Variants in ADGB observed in about 807,000 individuals in gnomAD.
ADGB encodes androglobin, also known as calpain-7-like protein.
Under a neutral mutation model 210.5 loss-of-function variants are expected in ADGB, and 172 were observed. The observed-to-expected ratio is 0.82, with a 90% CI of 0.72 to 0.93. The LOEUF is 0.93. Among genes scored for constraint, ADGB ranks in the 40% least tolerant of loss-of-function variants. The pLI is 0.00. For synonymous variants in ADGB, 658 were observed against 662.7 expected, an observed-to-expected ratio of 0.99 and a Z score of 0.11; for missense variants, 2,025 against 1,964.8, an observed-to-expected ratio of 1.03 and a Z score of -0.58.
At chr6:146,705,108 T>A (rs1583598140) in intron 13 of ADGB, among the ~76,000 whole-genome samples, 1 of 152,148 alleles carries the variant, frequency 6.6e-6, no homozygotes, top group African/African-American at 2.4e-5. Context: ...ATTTTACTGA[T>A]TTCTATTTTT....
At chr6:146,726,370 G>A (rs565412213) in intron 19 of ADGB, among the ~76,000 whole-genome samples, 173 bp downstream of exon 19, 143 of 152,042 alleles carry the variant, frequency 9.4e-4, no homozygotes, top group African/African-American at 3.2e-3. Context: ...TTACAGGTGC[G>A]TGCCACCACA....
chr6:146,678,391 T>A (rs1776112604), intron 9 of ADGB, among the ~76,000 whole-genome samples: 1 of 152,138 alleles, frequency 6.6e-6, no homozygotes, highest in Non-Finnish European at 1.5e-5. Flanking sequence ...TACACTTGGC[T>A]AATTCTTGTA....
At chr6:146,696,184 T>G (rs1284305009) in intron 12 of ADGB, among the ~76,000 whole-genome samples, 2 of 151,954 alleles carry the variant, frequency 1.3e-5, no homozygotes, top group East Asian at 3.9e-4. Flanking sequence ...CAAGTGATTC[T>G]CCTGCATCAG....
At position 146,692,807 on chromosome 6, in the gene ADGB, C is replaced by G; in HGVS notation, c.1487-18C>G. 2 of 1,388,790 alleles carry G rather than the reference C, an allele frequency of 1.4e-6. No homozygotes were observed. The highest frequency in any genetic ancestry group is 2.0e-6 in the Non-Finnish European group (2 of 1,017,738). The allele number at this position is 1,388,790 out of a possible 1,614,324, so 86.0% of individuals were successfully genotyped here. On this transcript the variant is annotated intron_variant, in intron 11 of 35. Transcript: ENST00000397944. ...TTTTTTTAAATGTACATCATACTTT[C>G]TAACTGCTACTTTTTAGAGTTAATA...
intron 5 of ADGB, among the ~76,000 whole-genome samples, chr6:146,658,171 G>A (rs1317945596): frequency 1.3e-5 from 2 of 152,008 alleles, no homozygotes; most frequent in African/African-American, 4.8e-5. Flanking sequence ...AAGGGCAAAG[G>A]GAAAAAGGTA....
chr6:146,643,894 A>G (rs1275302883), intron 2 of ADGB, among the ~76,000 whole-genome samples: 4 of 151,936 alleles, frequency 2.6e-5, no homozygotes, highest in Admixed American at 2.6e-4. Context: ...AGAAAAGCCA[A>G]TCCAAAAGAT....
chr6:146,703,769 A>G (rs1583597558), intron 13 of ADGB, among the ~76,000 whole-genome samples: 1 of 151,884 alleles, frequency 6.6e-6, no homozygotes, highest in Non-Finnish European at 1.5e-5. Flanking sequence ...GAAGATGGGA[A>G]GGCAGGTATC....
chr6:146,619,180 G>A (rs9386161), intron 1 of ADGB, among the ~76,000 whole-genome samples: 84,994 of 151,196 alleles, frequency 0.56, 23,997 homozygotes, highest in Admixed American at 0.61. Context: ...TTCTGAATAA[G>A]TATAGCTATT....
At chr6:146,702,610 C>T (rs1776506287) in intron 13 of ADGB, among the ~76,000 whole-genome samples, 1 of 151,754 alleles carries the variant, frequency 6.6e-6, no homozygotes, top group Non-Finnish European at 1.5e-5. Flanking sequence ...TCACAACTTC[C>T]TTTTTTTCTA....
At position 146,617,032 on chromosome 6, in the gene ADGB, G is replaced by T. The variant is rs142259106; in HGVS notation, c.74+17918G>T. On this transcript the variant is annotated intron_variant, in intron 1 of 35. Transcript: ENST00000397944. ...TTGCATTGAGTCTGTAGATCACTGCGCCTAGTATAGATATTTTAACAATAA... is the reference window on the plus strand; with the variant it reads ...TTGCATTGAGTCTGTAGATCACTGCTCCTAGTATAGATATTTTAACAATAA... Among the ~76,000 whole-genome samples, 288 of 152,114 alleles carry T rather than the reference G, an allele frequency of 1.9e-3. 5 individuals are homozygous for T. Among genetic ancestry groups the T allele is most frequent in the African/African-American group, 6.6e-3 (273 of 41,534 alleles).
At chr6:146,794,932 A>T (rs1490022487) in intron 33 of ADGB, among the ~76,000 whole-genome samples, 2 of 152,148 alleles carry the variant, frequency 1.3e-5, no homozygotes, top group African/African-American at 4.8e-5. Flanking sequence ...TGTACCCTAA[A>T]CTACATAAAG....
chr6:146,691,477 A>AATAT (rs1198158237), intron 11 of ADGB, among the ~76,000 whole-genome samples, 187 bp downstream of exon 11: 408 of 18,512 alleles, frequency 0.022, 25 homozygotes, highest in Non-Finnish European at 0.027. Context: ...TATATATATA[A>AATAT]ATATATATAT....
At position 146,664,505 on chromosome 6, in the gene ADGB, T is replaced by C. The variant is rs1775912516; in HGVS notation, c.752+165T>C. On this transcript the variant is annotated intron_variant, in intron 6 of 35. Coordinates refer to ENST00000397944, the MANE Select transcript of ADGB (RefSeq NM_024694.4). ...AAATCAAATACGCCAAAACCACTGA[T>C]TTTTTCTATTAGGTTAACAATAATG... The C allele has an allele frequency of 8.0e-6, 5 of 628,002 alleles. No homozygotes were observed. The East Asian group carries it at 1.7e-4, about 21-fold the overall frequency. The allele number at this position is 628,002 out of a possible 1,614,324, so 38.9% of individuals were successfully genotyped here. A position where few individuals can be genotyped will look rare whatever the true frequency, so the allele number is the denominator to read the frequency against.
intron 7 of ADGB, among the ~76,000 whole-genome samples, chr6:146,670,306 A>T (rs1243332374): frequency 6.6e-6 from 1 of 152,150 alleles, no homozygotes; most frequent in African/African-American, 2.4e-5. Context: ...ATCCTCAGAG[A>T]TCTACACTGT....
intron 16 of ADGB, among the ~76,000 whole-genome samples, chr6:146,720,802 A>G (rs1236257851): frequency 1.3e-5 from 2 of 152,138 alleles, no homozygotes; most frequent in Admixed American, 6.5e-5. Context: ...ATCGCTAGAA[A>G]AGCAAGGGAC....
At chr6:146,620,906 C>A (rs1279222304) in intron 1 of ADGB, among the ~76,000 whole-genome samples, 2 of 152,162 alleles carry the variant, frequency 1.3e-5, no homozygotes, top group East Asian at 3.9e-4. Flanking sequence ...ACAGCCACTT[C>A]CAGTTTTTGC....
At chr6:146,763,363 GAATT>G (rs1777524935) in intron 27 of ADGB, among the ~76,000 whole-genome samples, 1 of 152,072 alleles carries the variant, frequency 6.6e-6, no homozygotes. Flanking sequence ...CATGTTTGAT[GAATT>G]AATTAATAAC....
rs186808180 is a variant in ADGB, at chr6:146,632,789, C to A, written c.75-2586C>A. 1.4e-4 allele frequency among the ~76,000 whole-genome samples: 22 copies of A among 152,232 alleles called. 1 individual carries two copies. Among genetic ancestry groups the A allele is most frequent in the Admixed American group, 7.2e-4 (11 of 15,278 alleles). On this transcript the variant is annotated intron_variant, in intron 1 of 35. Coordinates refer to ENST00000397944, the MANE Select transcript of ADGB (RefSeq NM_024694.4). The stretch of plus-strand genomic sequence containing the variant: ...TGAGGACTTTAAATATTTGTTCCTG[C>A]TACATAAAATACGGAATAAATGTCT...
At position 146,802,988 on chromosome 6, in the gene ADGB, G is replaced by A. The variant is rs1354543490; in HGVS notation, c.4818+977G>A. The A allele has an allele frequency of 4.4e-6, 7 of 1,609,104 alleles. No individual in the cohort carries two copies. In the East Asian group the frequency reaches 8.9e-5, roughly 20 times the overall value. On this transcript the variant is annotated intron_variant, in intron 35 of 35. Transcript: ENST00000397944. ...ACCTTTTAATGACTGCTTGAAGCCA[G>A]TTTAAACCAACTATAACATATTCTT... is the stretch of plus-strand genomic sequence containing the variant.
Sources: gnomAD v4.1 joint callset for allele counts (sites outside exome capture counted in the v4.1 genomes callset) on GRCh38, gnomAD v4.1.1 for gene constraint, MANE v1.5 for transcripts, NCBI Gene and HGNC (gene_info 2026-07-23, HGNC 2026-07-21) for gene names.